PBRM1: variants seen among roughly 807,000 people sequenced by gnomAD.
The protein encoded by PBRM1 is polybromo 1.
In PBRM1, 27 loss-of-function variants were observed where a neutral mutation model predicts 194.5. The observed-to-expected ratio is 0.14, with a 90% confidence interval of 0.10 to 0.19. The LOEUF is 0.19. Ranked by LOEUF, PBRM1 falls within the 10% of genes least tolerant of loss-of-function variation. The pLI, the probability that PBRM1 is intolerant of heterozygous loss-of-function variation, is 1.00. For synonymous variants in PBRM1, 655 were observed against 693.2 expected (o/e 0.94, Z 0.87); for missense variants, 1,466 against 2,077.2 (o/e 0.71, Z 5.72).
chr3:52,658,355 A>G, intron 4 of PBRM1, 40 bp from the exon 6 acceptor site: 2 of 1,053,760 alleles, frequency 1.9e-6, no homozygotes, highest in Non-Finnish European at 2.9e-6. Flanking sequence ...AAGAGAAATA[A>G]TAAAATGCTG....
At chr3:52,581,199 T>C (rs996560538) in intron 20 of PBRM1, among the ~76,000 whole-genome samples, 5 of 152,314 alleles carry the variant, frequency 3.3e-5, no homozygotes, top group African/African-American at 1.2e-4. Context: ...TGAAATGGTA[T>C]TCTTGGAAAA....
At chr3:52,567,565 C>CAAAAAAAAAAAAAAAAAA (rs10644120) in intron 22 of PBRM1, among the ~76,000 whole-genome samples, 3 of 91,612 alleles carry the variant, frequency 3.3e-5, no homozygotes, top group Admixed American at 1.1e-4. Context: ...TAGGTAATCT[C>CAAAAAAAAAAAAAAAAAA]AAAAAAAAAA....
intron 10 of PBRM1, among the ~76,000 whole-genome samples, chr3:52,640,888 C>A (rs552989793): frequency 6.6e-6 from 1 of 152,136 alleles, no homozygotes; most frequent in Non-Finnish European, 1.5e-5. Flanking sequence ...ATCCACCCCC[C>A]TCAGCCTCCC....
chr3:52,666,159 C>A (rs910224967), intron 3 of PBRM1, among the ~76,000 whole-genome samples: 1 of 152,152 alleles, frequency 6.6e-6, no homozygotes, highest in African/African-American at 2.4e-5. Context: ...TGTGTACCTG[C>A]AGTCCTAGCT....
At chr3:52,560,188 T>C (rs2083183338) in intron 25 of PBRM1, among the ~76,000 whole-genome samples, 2 of 152,188 alleles carry the variant, frequency 1.3e-5, no homozygotes, top group South Asian at 4.1e-4. Context: ...CTCCAGTGTT[T>C]TTACCTTCAC....
exon 14 of PBRM1, chr3:52,617,501 A>G (rs777837959): frequency 8.1e-6 from 13 of 1,611,820 alleles, no homozygotes; most frequent in Admixed American, 3.3e-5. Context: ...ACAACATTGA[A>G]TAAGATTTTC....
intron 14 of PBRM1, among the ~76,000 whole-genome samples, chr3:52,616,824 C>T (rs1385567877): frequency 6.6e-6 from 1 of 152,132 alleles, no homozygotes; most frequent in African/African-American, 2.4e-5. Context: ...GAAGTATGGT[C>T]GTTGAGGATC....
At chr3:52,636,448 A>C (rs2095815166) in intron 10 of PBRM1, among the ~76,000 whole-genome samples, 1 of 152,028 alleles carries the variant, frequency 6.6e-6, no homozygotes, top group African/African-American at 2.4e-5. Flanking sequence ...CTCTCAGGTA[A>C]GAACCATAAT....
chr3:52,581,778 C>CAGGCA (rs1280901258), intron 20 of PBRM1, among the ~76,000 whole-genome samples: 1 of 151,890 alleles, frequency 6.6e-6, no homozygotes, highest in Non-Finnish European at 1.5e-5. Flanking sequence ...GCTGAGATTA[C>CAGGCA]AGGCACGTGC....
chr3:52,583,096 C>CAA (rs1157790825), intron 20 of PBRM1, among the ~76,000 whole-genome samples: 99 of 61,948 alleles, frequency 1.6e-3, no homozygotes, highest in African/African-American at 4.9e-3. Flanking sequence ...GACTCCATCT[C>CAA]AAAAAAAAAA....
At chr3:52,595,677 T>C (rs556447385) in intron 17 of PBRM1, among the ~76,000 whole-genome samples, 1 of 152,332 alleles carries the variant, frequency 6.6e-6, no homozygotes, top group African/African-American at 2.4e-5. Context: ...TAACTTGATG[T>C]AATCCCATTT....
intron 5 of PBRM1, among the ~76,000 whole-genome samples, chr3:52,654,258 G>T (rs767478284): frequency 6.6e-6 from 1 of 152,168 alleles, no homozygotes; most frequent in Non-Finnish European, 1.5e-5. Flanking sequence ...TTATCTCAGT[G>T]TTGTTTTATC....
intron 22 of PBRM1, among the ~76,000 whole-genome samples, chr3:52,576,006 G>A (rs549859037): frequency 3.9e-5 from 6 of 152,128 alleles, no homozygotes; most frequent in Admixed American, 2.0e-4. Context: ...GAATGCACCT[G>A]AAGACAGGCC....
At chr3:52,588,622 C>A (rs1250075944) in intron 18 of PBRM1, among the ~76,000 whole-genome samples, 1 of 145,304 alleles carries the variant, frequency 6.9e-6, no homozygotes, top group Non-Finnish European at 1.5e-5. Context: ...GGCGTGATCT[C>A]GGCTCCCTTG....
chr3:52,559,452 T>G (rs1304991794), intron 25 of PBRM1, among the ~76,000 whole-genome samples: 1 of 152,042 alleles, frequency 6.6e-6, no homozygotes, highest in African/African-American at 2.4e-5. Context: ...CATTCATAAA[T>G]AGAAGATCCC....
intron 11 of PBRM1, among the ~76,000 whole-genome samples, chr3:52,630,216 G>GA (rs1310276444): frequency 1.3e-5 from 2 of 149,496 alleles, no homozygotes; most frequent in African/African-American, 2.5e-5. Flanking sequence ...GGAGGAAAAA[G>GA]AAAAAAAAAT....
upstream of PBRM1, chr3:52,685,880 C>G (rs1317056760): frequency 3.6e-6 from 2 of 552,814 alleles, no homozygotes; most frequent in Non-Finnish European, 6.4e-6. Context: ...GCCGCCCTCA[C>G]CTCCCTTACC....
At chr3:52,681,938 G>T (rs2097211167), upstream of PBRM1, 1 of 163,928 alleles carries the variant, frequency 6.1e-6, no homozygotes, top group Non-Finnish European at 1.3e-5. Flanking sequence ...AAGATAAAGA[G>T]AACTGGAGAA....
rs772448658 is a variant in PBRM1, at chr3:52,651,817, G to A, written c.646-7C>T. 121 of 1,583,968 alleles carry A rather than the reference G, an allele frequency of 7.6e-5. No homozygotes were observed. The highest frequency in any genetic ancestry group is 9.7e-5 in the Non-Finnish European group (112 of 1,159,696). On this transcript the variant is annotated splice_region_variant and splice_polypyrimidine_tract_variant and intron_variant, in intron 5 of 29. Coordinates refer to ENST00000296302, the Ensembl canonical transcript of PBRM1. ...CATAATAATCTGGATATTGCTGGAA[G>A]ACAAAAAACCAGGCATGCTCAATAA...
Sources: gnomAD v4.1 joint callset for allele counts (sites outside exome capture counted in the v4.1 genomes callset) on GRCh38, gnomAD v4.1.1 for gene constraint, MANE v1.5 for transcripts, NCBI Gene and HGNC (gene_info 2026-07-23, HGNC 2026-07-21) for gene names.